The following SVEP1 variants were observed in gnomAD, a reference collection of about 807,000 sequenced individuals.
The protein encoded by SVEP1 is sushi, von Willebrand factor type A, EGF and pentraxin domain containing 1.
In SVEP1, 164 loss-of-function variants were observed where a neutral mutation model predicts 367.3. The ratio of observed to expected loss-of-function variants is 0.45; its 90% CI spans 0.39 to 0.51. The LOEUF is 0.51. Ranked by LOEUF, SVEP1 falls within the 20% of genes least tolerant of loss-of-function variation. The probability of loss-of-function intolerance (pLI) is 0.00; values close to 1 mark genes in which losing one functional copy is unlikely to be tolerated. For missense variants in SVEP1, 4,117 were observed against 4,425.3 expected, an observed-to-expected ratio of 0.93 and a Z score of 1.98; for synonymous variants, 1,666 against 1,611.6, an observed-to-expected ratio of 1.03 and a Z score of -0.81.
At position 110,422,971 on chromosome 9, in the gene SVEP1, G is replaced by C. The variant is rs1180990260; in HGVS notation, c.5975+4620C>G. ...AATATCACACTCTGGGGACTGTGGT[G>C]GGGTCGGGGGAGCGGGGAGGGATAG... On this transcript the variant is annotated intron_variant, in intron 36 of 47. Coordinates refer to ENST00000374469, the MANE Select transcript of SVEP1 (RefSeq NM_153366.4). 1.6e-5 allele frequency among the ~76,000 whole-genome samples: 2 copies of C among 121,874 alleles called. 1 individual carries two copies. The highest frequency in any genetic ancestry group is 3.3e-5 in the Non-Finnish European group (2 of 59,716). The allele number at this position is 121,874 out of a possible 152,430, so 80.0% of individuals were successfully genotyped here.
chr9:110,488,630 C>T (rs762805501), intron 9 of SVEP1, among the ~76,000 whole-genome samples: 49 of 151,570 alleles, frequency 3.2e-4, no homozygotes, highest in South Asian at 6.3e-4. Flanking sequence ...GGGAGGCCAA[C>T]GTGAGAGGAT....
In SVEP1 at chr9:110,408,812, T is replaced by C. The variant is rs752111081; in HGVS notation, c.6788A>G (p.Asp2263Gly). 2.5e-6 allele frequency: 4 copies of C among 1,613,110 alleles called. No homozygotes were observed. The highest frequency in any genetic ancestry group is 3.4e-6 in the Non-Finnish European group (4 of 1,179,886). Residue 2263 changes from aspartate to glycine, a missense_variant, in exon 38 of 48, where the codon GAC becomes GGC. Coordinates refer to ENST00000374469, the MANE Select transcript of SVEP1 (RefSeq NM_153366.4). ...SESPLMCVPL[D>G]CGKPPPIQNG... is the part of the protein sequence containing the mutation. ...CTGGATCGGGGGAGGTTTTCCACAG[T>C]CGAGAGGAACACACATCAGAGGGGA... is the stretch of plus-strand genomic sequence containing the variant.
intron 3 of SVEP1, among the ~76,000 whole-genome samples, chr9:110,516,548 G>A (rs1829807040): frequency 2.0e-5 from 3 of 152,100 alleles, no homozygotes; most frequent in South Asian, 4.1e-4. Context: ...TATTAATATT[G>A]TAATATTTCT....
chr9:110,449,452 A>C (rs985101420), intron 24 of SVEP1, among the ~76,000 whole-genome samples: 3 of 152,188 alleles, frequency 2.0e-5, no homozygotes, highest in Admixed American at 1.3e-4. Context: ...TAGCTAAAGC[A>C]CATGTGGCTC....
In SVEP1 at chr9:110,471,536, G is replaced by C; in HGVS notation, c.2826C>G (p.Leu942=). ...TTGTGATAGTTTCCAATGTCTGAAGGAGTCGTTGCTGATTTTCCCATTCAA... is the reference window on the plus strand; with the variant it reads ...TTGTGATAGTTTCCAATGTCTGAAGCAGTCGTTGCTGATTTTCCCATTCAA... ...DTLEWENQQR[L]LQTLETITNK... The change falls in exon 16 of 48, where the codon CTC becomes CTG. Residue 942 remains leucine, a synonymous_variant. Coordinates refer to ENST00000374469, the MANE Select transcript of SVEP1 (RefSeq NM_153366.4). The C allele has an allele frequency of 6.2e-7, 1 of 1,613,936 alleles. No homozygotes were observed. The highest frequency in any genetic ancestry group is 8.5e-7 in the Non-Finnish European group (1 of 1,179,874).
intron 1 of SVEP1, 113 bp downstream of exon 1, chr9:110,578,900 T>A: frequency 1.7e-6 from 2 of 1,195,612 alleles, no homozygotes; most frequent in Admixed American, 2.8e-5. Flanking sequence ...GACGCTTGAC[T>A]TGGGGTGGTT....
intron 38 of SVEP1, 92 bp from the exon 39 acceptor site, chr9:110,404,644 G>C (rs1827926565): frequency 1.7e-6 from 2 of 1,194,444 alleles, no homozygotes; most frequent in South Asian, 1.3e-5. Flanking sequence ...ACAAGGCTCA[G>C]TAGATATTTT....
Position 110,378,334 on chromosome 9 carries a change from G to GCCAGA in SVEP1, c.10409-973_10409-969dup, listed in dbSNP as rs775611112. On this transcript the variant is annotated intron_variant, in intron 44 of 47. Coordinates refer to ENST00000374469, the MANE Select transcript of SVEP1 (RefSeq NM_153366.4). ...GGTGATCTCACTTCTCATTGTTGCT[G>GCCAGA]CCAGACAATGAGTCCTCTTTCTCTT... Among the ~76,000 whole-genome samples the GCCAGA allele has an allele frequency of 2.0e-5, 3 of 152,208 alleles. No homozygotes were observed. In the South Asian group the frequency reaches 6.2e-4, roughly 32 times the overall value.
At chr9:110,570,271 T>G (rs920497340) in intron 1 of SVEP1, among the ~76,000 whole-genome samples, 2 of 152,186 alleles carry the variant, frequency 1.3e-5, no homozygotes, top group African/African-American at 2.4e-5. Context: ...GGCAGCTTAC[T>G]AGAGAAAAGA....
At chr9:110,452,005 T>A (rs1449912909) in intron 22 of SVEP1, among the ~76,000 whole-genome samples, 1 of 152,120 alleles carries the variant, frequency 6.6e-6, no homozygotes, top group African/African-American at 2.4e-5. Flanking sequence ...GAACCATAAA[T>A]CTTCATGTTC....
At chr9:110,515,003 T>C (rs976184614) in intron 3 of SVEP1, among the ~76,000 whole-genome samples, 2 of 152,100 alleles carry the variant, frequency 1.3e-5, no homozygotes, top group African/African-American at 2.4e-5. Flanking sequence ...AAAAAAGAAT[T>C]AAAGACACTG....
At chr9:110,539,146 A>G (rs1830113930) in intron 3 of SVEP1, among the ~76,000 whole-genome samples, 1 of 152,026 alleles carries the variant, frequency 6.6e-6, no homozygotes, top group South Asian at 2.1e-4. Context: ...CTTACTTACT[A>G]TAGGCTCTGA....
rs1272364460 is a variant in SVEP1 at position 110,450,218 on chromosome 9, G to A, written c.3944C>T (p.Pro1315Leu). ...ETEVNECQSN[P>L]CLNNAVCEDQ... ...TTCACAGACTGCATTATTTAAGCAT[G>A]GGTTTGACTGGCATTCATTGACTTC... Residue 1315 changes from proline (P) to leucine (L), a missense_variant, in exon 24 of 48, where the codon CCA (proline) becomes CTA (leucine). By Grantham distance (98) the Pro-to-Leu change is moderately conservative. Around this residue, in one of 4 missense-constraint regions of SVEP1, gnomAD observed 2,174 missense variants for 2,494.3 expected, o/e 0.87. Coordinates refer to ENST00000374469, the MANE Select transcript of SVEP1 (RefSeq NM_153366.4). 6.2e-7 allele frequency: 1 copy of A among 1,613,858 alleles called. No individual in the cohort carries two copies. Among genetic ancestry groups the A allele is most frequent in the East Asian group, 2.2e-5 (1 of 44,876 alleles).
At chr9:110,393,350 G>T (rs1827697934) in intron 40 of SVEP1, among the ~76,000 whole-genome samples, 1 of 152,154 alleles carries the variant, frequency 6.6e-6, no homozygotes, top group Non-Finnish European at 1.5e-5. Flanking sequence ...GTACTGCATG[G>T]TCAGAAAATA....
intron 11 of SVEP1, 27 bp downstream of exon 11, chr9:110,482,334 A>C: frequency 6.2e-7 from 1 of 1,603,528 alleles, no homozygotes; most frequent in Non-Finnish European, 8.5e-7. Flanking sequence ...TGTCAACTAG[A>C]ATTCTGGGGA....
At chr9:110,370,710 G>A (rs1385316935) in intron 46 of SVEP1, among the ~76,000 whole-genome samples, 2 of 152,134 alleles carry the variant, frequency 1.3e-5, no homozygotes, top group East Asian at 3.9e-4. Context: ...CTCTTCATCT[G>A]CATAAATGTA....
chr9:110,504,307 G>C (rs925790509), intron 5 of SVEP1, among the ~76,000 whole-genome samples: 1 of 151,928 alleles, frequency 6.6e-6, no homozygotes, highest in Non-Finnish European at 1.5e-5. Flanking sequence ...TGATCCGCCA[G>C]CCTCGGCCTC....
At chr9:110,523,271 T>C (rs1829900062) in intron 3 of SVEP1, among the ~76,000 whole-genome samples, 1 of 152,198 alleles carries the variant, frequency 6.6e-6, no homozygotes, top group African/African-American at 2.4e-5. Context: ...GTCCAAATCC[T>C]ATCATTCAAA....
intron 46 of SVEP1, among the ~76,000 whole-genome samples, chr9:110,374,916 C>T (rs190674696): frequency 2.1e-4 from 32 of 151,782 alleles, no homozygotes; most frequent in South Asian, 6.2e-4. Flanking sequence ...AGCAAAGACA[C>T]GGAATCAACC....
Sources: allele counts gnomAD v4.1 joint callset (sites outside exome capture counted in the v4.1 genomes callset), GRCh38; gene constraint gnomAD v4.1.1; regional missense constraint gnomAD v4.1.1; transcripts MANE v1.5; gene names NCBI Gene and HGNC (gene_info 2026-07-23, HGNC 2026-07-21).